PKLR: variants seen among roughly 807,000 people sequenced by gnomAD.
PKLR encodes the protein pyruvate kinase L/R, also known as pyruvate kinase PKLR.
A neutral mutation model predicts 53.6 loss-of-function variants in PKLR; 38 were observed. That is an observed-to-expected ratio of 0.71 (90% CI 0.55 to 0.93). PKLR has a LOEUF of 0.93. Among genes scored for constraint, PKLR ranks in the 40% least tolerant of loss-of-function variants. The pLI is 0.00. For missense variants in PKLR, 702 were observed against 787.3 expected (o/e 0.89, Z 1.30); for synonymous variants, 328 against 316.2 (o/e 1.04, Z -0.39).
chr1:155,294,796 G>A (rs1365192575), intron 5 of PKLR, 44 bp from the exon 6 acceptor site: 3 of 1,611,156 alleles, frequency 1.9e-6, no homozygotes, highest in Non-Finnish European at 2.5e-6. Flanking sequence ...GGTGAGGACG[G>A]GGCACAGTTG....
rs530076782 is a variant in PKLR, at chr1:155,290,500, G to T, written c.*72C>A. ...AAGGTGGGGCTTTGGAGGGGTGTGG[G>T]CTGGAGAACGTAGACTGGGGAGGAA... On this transcript the variant is annotated 3_prime_UTR_variant, in exon 11 of 11. Transcript: ENST00000342741. 48 of 901,390 alleles carry T rather than the reference G, an allele frequency of 5.3e-5. No individual in the cohort carries two copies. The South Asian group carries it at 6.4e-4, about 12-fold the overall frequency. The allele number at this position is 901,390 out of a possible 1,614,324, so 55.8% of individuals were successfully genotyped here.
chr1:155,304,900 C>T (rs112728845), upstream of PKLR, among the ~76,000 whole-genome samples: 18 of 152,308 alleles, frequency 1.2e-4, no homozygotes, highest in African/African-American at 3.8e-4. Context: ...GTAGGATCAA[C>T]AGGCTGTTTT....
At position 155,301,404 on chromosome 1, in the gene PKLR, T is replaced by C. The variant is rs765203859; in HGVS notation, c.-9A>G. ...TTCTCCTGGATCGACATGCTTTCAG[T>C]GTGGGCCTGGGGCTGCGGGACCATG... On this transcript the variant is annotated 5_prime_UTR_variant, in exon 1 of 11. Transcript: ENST00000342741. 1 of 1,613,928 alleles carries C rather than the reference T, an allele frequency of 6.2e-7. No homozygotes were observed. Among genetic ancestry groups the C allele is most frequent in the Non-Finnish European group, 8.5e-7 (1 of 1,179,946 alleles).
chr1:155,298,642 A>T lies in PKLR; in HGVS notation c.283+1456T>A, dbSNP rs1390374821. ...GCGCCCAGCTTTTTTTTCTTTTTTT[A>T]AAAACAAACAAACAAACAAACAGAG... On this transcript the variant is annotated intron_variant, in intron 2 of 10. Coordinates refer to ENST00000342741, the MANE Select transcript of PKLR (RefSeq NM_000298.6). Among the ~76,000 whole-genome samples, 26 of 133,214 alleles carry T rather than the reference A, an allele frequency of 2.0e-4. 1 individual carries two copies. Among genetic ancestry groups the T allele is most frequent in the African/African-American group, 5.6e-4 (17 of 30,430 alleles). The allele number at this position is 133,214 out of a possible 152,430, so 87.4% of individuals were successfully genotyped here.
intron 2 of PKLR, among the ~76,000 whole-genome samples, chr1:155,299,491 C>CTTTTTTTT (rs35869567): frequency 4.7e-5 from 2 of 42,760 alleles, no homozygotes; most frequent in African/African-American, 2.0e-4. Flanking sequence ...GCCCAGCCCA[C>CTTTTTTTT]TTTTTTTTTT....
Position 155,295,788 on chromosome 1 carries a change from TC to T in PKLR, c.284-33del. ...CCAGAGATTCACGTTCAGACAACGT[TC>T]CCCCAGAACATGAGAGGCAACCAAA... On this transcript the variant is annotated intron_variant, in intron 2 of 10. Transcript: ENST00000342741. This position sits in a 1 kb window ranked among gnomAD's most constrained non-coding sequence, Gnocchi z 4.3. The T allele has an allele frequency of 2.5e-6, 4 of 1,594,388 alleles. No homozygotes were observed. The highest frequency in any genetic ancestry group is 2.6e-6 in the Non-Finnish European group (3 of 1,162,396).
upstream of PKLR, among the ~76,000 whole-genome samples, chr1:155,303,698 T>C (rs1648147147): frequency 6.6e-6 from 1 of 152,154 alleles, no homozygotes; most frequent in Non-Finnish European, 1.5e-5. Context: ...CGATCTCAGC[T>C]CACTGCCACC....
Position 155,295,011 on chromosome 1 carries a change from G to A in PKLR, c.694+105C>T. 1 of 1,321,660 alleles carries A rather than the reference G, an allele frequency of 7.6e-7. No homozygotes were observed. Among genetic ancestry groups the A allele is most frequent in the Non-Finnish European group, 1.1e-6 (1 of 936,502 alleles). 81.9% of individuals were successfully genotyped at this position (1,321,660 alleles called of 1,614,324 possible). On this transcript the variant is annotated intron_variant, in intron 5 of 10. Transcript: ENST00000342741. This position sits in a 1 kb window ranked among gnomAD's most constrained non-coding sequence, Gnocchi z 4.3. ...TCCTGGGACGGGCTGGCAAAAACGC[G>A]TGGCCAGGGGAAGGTGTGATCGGTC...
In PKLR at chr1:155,300,276, T is replaced by C; in HGVS notation, c.105A>G (p.Pro35=). The change falls in exon 2 of 11, where the codon CCA becomes CCG. Residue 35 remains proline (P), a synonymous_variant. Transcript: ENST00000342741. ...CACTGGCCCGCCGCAGATACCCCGCTGGCCCTGTGGTAGAAGGGGGCTCAG... is the reference window on the plus strand; with the variant it reads ...CACTGGCCCGCCGCAGATACCCCGCCGGCCCTGTGGTAGAAGGGGGCTCAG... ...KSILIGAPGG[P]AGYLRRASVA... The C allele has an allele frequency of 6.3e-7, 1 of 1,586,566 alleles. No homozygotes were observed. The highest frequency in any genetic ancestry group is 1.3e-5 in the African/African-American group (1 of 74,374).
chr1:155,298,718 T>C (rs989933490), intron 2 of PKLR, among the ~76,000 whole-genome samples: 2 of 151,414 alleles, frequency 1.3e-5, no homozygotes, highest in African/African-American at 2.4e-5. Flanking sequence ...CTTGGCTCAC[T>C]GCAATCTCTG....
intron 2 of PKLR, among the ~76,000 whole-genome samples, chr1:155,296,994 A>G (rs192141100): frequency 6.6e-6 from 1 of 152,202 alleles, no homozygotes; most frequent in East Asian, 1.9e-4. Flanking sequence ...TCTTTGACAC[A>G]CTGTCTTCAC....
At position 155,295,385 on chromosome 1, in the gene PKLR, CAG is replaced by C; in HGVS notation, c.507+50_507+51del. On this transcript the variant is annotated intron_variant, in intron 4 of 10. Transcript: ENST00000342741. This position sits in a 1 kb window ranked among gnomAD's most constrained non-coding sequence, Gnocchi z 4.3. ...CTGCCCACGCCTGGGCCCAACCCTA[CAG>C]GCGCCGCCTTTCCGGCCCTGGCCCA... 6.2e-7 allele frequency: 1 copy of C among 1,612,818 alleles called. No individual in the cohort carries two copies. Among genetic ancestry groups the C allele is most frequent in the South Asian group, 1.1e-5 (1 of 91,048 alleles).
chr1:155,293,158 T>C lies in PKLR; in HGVS notation c.1436+19A>G. ...CCTGACCCAAAGCTCCATCTGGACA[T>C]TCCCAATATCCCCCTCACCGGCCAG... On this transcript the variant is annotated intron_variant, in intron 9 of 10. Transcript: ENST00000342741. This position sits in a 1 kb window ranked among gnomAD's most constrained non-coding sequence, Gnocchi z 4.2. The C allele has an allele frequency of 9.4e-7, 1 of 1,067,484 alleles. No homozygotes were observed. The highest frequency in any genetic ancestry group is 1.4e-6 in the Non-Finnish European group (1 of 739,500). The allele number at this position is 1,067,484 out of a possible 1,614,324, so 66.1% of individuals were successfully genotyped here. A position where few individuals can be genotyped will look rare whatever the true frequency, so the allele number is the denominator to read the frequency against.
rs1299196476 is a variant in PKLR at position 155,290,868 on chromosome 1, A to G, written c.1619-190T>C. Among the ~76,000 whole-genome samples, 3 of 151,788 alleles carry G rather than the reference A, an allele frequency of 2.0e-5. No individual in the cohort carries two copies. The East Asian group carries it at 5.8e-4, about 29-fold the overall frequency. ...GCTGGGTGTGGTGGCGCATGCCTGT[A>G]ATCCCAGCTACTAGGGAGGCTGAGG... is the stretch of plus-strand genomic sequence containing the variant. On this transcript the variant is annotated intron_variant, in intron 10 of 10. Transcript: ENST00000342741.
At chr1:155,291,715 T>G in intron 10 of PKLR, 41 bp downstream of exon 10, 2 of 1,591,882 alleles carry the variant, frequency 1.3e-6, no homozygotes, top group Non-Finnish European at 1.7e-6. Context: ...GGGCTCCTGA[T>G]ACAAATGGTA....
upstream of PKLR, chr1:155,301,468 C>G: frequency 6.2e-7 from 1 of 1,610,370 alleles, no homozygotes. Context: ...CTGGTCTTAT[C>G]TAAGGGAGAC....
chr1:155,295,444 A>G lies in PKLR; in HGVS notation c.500T>C (p.Leu167Pro), dbSNP rs759323460. 4 of 1,609,430 alleles carry G rather than the reference A, an allele frequency of 2.5e-6. No individual in the cohort carries two copies. The South Asian group carries it at 3.3e-5, about 13-fold the overall frequency. ...CCCAGCCCCACTGCTCACCCCCTGC[A>G]GGATCCCAGTGCGGATCTCCGGTCC... The part of the protein sequence containing the change: ...TKGPEIRTGI[L>P]QGGPESEVEL... The change falls in exon 4 of 11, where the codon CTG (leucine) becomes CCG (proline). Residue 167 changes from leucine (L) to proline (P), a missense_variant. By Grantham distance (98) the Leu-to-Pro change is moderately conservative. This residue lies in a region of PKLR where 519 missense variants were observed against 537.1 expected (regional missense o/e 0.97). Transcript: ENST00000342741. The surrounding 1 kb of genome is among the most constrained non-coding windows in gnomAD (Gnocchi z 4.3).
At chr1:155,302,067 CT>C (rs796358354), upstream of PKLR, among the ~76,000 whole-genome samples, 9 of 144,068 alleles carry the variant, frequency 6.2e-5, no homozygotes, top group East Asian at 2.0e-4. Context: ...TCTTTTTTTT[CT>C]TTTTTTTTTC....
the PKLR span, among the ~76,000 whole-genome samples, chr1:155,306,568 C>A: frequency 6.6e-6 from 1 of 152,152 alleles, no homozygotes; most frequent in African/African-American, 2.4e-5. This position sits in a 1 kb window ranked among gnomAD's most constrained non-coding sequence, Gnocchi z 4.2. Flanking sequence ...GAGGTCAGGG[C>A]AGCTTAACAG....
Sources: gnomAD v4.1 joint callset for allele counts (sites outside exome capture counted in the v4.1 genomes callset) on GRCh38, gnomAD v4.1.1 for gene constraint, gnomAD v4.1.1 regional missense constraint, Gnocchi (gnomAD v3.1) non-coding constraint, MANE v1.5 for transcripts, NCBI Gene and HGNC (gene_info 2026-07-23, HGNC 2026-07-21) for gene names.